The following SHISA6 variants were observed in gnomAD, a reference collection of about 807,000 sequenced individuals.
SHISA6 encodes the protein protein shisa-6.
Under a neutral mutation model 47.9 loss-of-function variants are expected in SHISA6, and 22 were observed. The observed-to-expected ratio is 0.46, with a 90% CI of 0.33 to 0.66. The LOEUF is 0.66. Among genes scored for constraint, SHISA6 ranks in the 30% least tolerant of loss-of-function variants. The pLI is 0.02. For synonymous variants in SHISA6, 388 were observed against 337.8 expected (o/e 1.15, Z -1.63); for missense variants, 680 against 764.6 (o/e 0.89, Z 1.30).
At chr17:11,425,770 A>C (rs1914595124) in intron 3 of SHISA6, among the ~76,000 whole-genome samples, 1 of 152,306 alleles carries the variant, frequency 6.6e-6, no homozygotes, top group African/African-American at 2.4e-5. Context: ...TCATGTGATA[A>C]GCCAGATGGT....
intron 2 of SHISA6, among the ~76,000 whole-genome samples, chr17:11,353,699 A>G (rs190634428): frequency 6.6e-6 from 1 of 152,270 alleles, no homozygotes; most frequent in Admixed American, 6.5e-5. Context: ...GGACACTGTG[A>G]TAAACAGGAA....
At position 11,266,099 on chromosome 17, in the gene SHISA6, A is replaced by T. The variant is rs114157842; in HGVS notation, c.799+2573A>T. On this transcript the variant is annotated intron_variant, in intron 2 of 5. Transcript: ENST00000441885. ...TAATGGACACAATGCTTTTCCAAGC[A>T]GTTGATATCCTTTGCCACAAAATAT... Among the ~76,000 whole-genome samples the T allele has an allele frequency of 1.5e-3, 232 of 152,366 alleles. 1 individual carries two copies. Among genetic ancestry groups the T allele is most frequent in the African/African-American group, 5.2e-3 (217 of 41,594 alleles).
At chr17:11,371,274 G>C (rs1334434325) in intron 2 of SHISA6, among the ~76,000 whole-genome samples, 1 of 152,146 alleles carries the variant, frequency 6.6e-6, no homozygotes, top group Non-Finnish European at 1.5e-5. Context: ...CCTTCTCATT[G>C]TATAGTCAGG....
chr17:11,350,178 A>ATTTTTTTTTTTT (rs199879665), intron 2 of SHISA6, among the ~76,000 whole-genome samples: 20 of 101,146 alleles, frequency 2.0e-4, no homozygotes, highest in Admixed American at 7.7e-4. Flanking sequence ...TTATTTATTT[A>ATTTTTTTTTTTT]TTTATTTTTT....
chr17:11,557,997 A>G lies in SHISA6; in HGVS notation c.1349A>G (p.Glu450Gly). The part of the protein sequence containing the change: ...ILSDEQLLST[E>G]RLHSQDPLLS... ...TCCGACGAGCAGCTGCTCTCCACGG[A>G]GCGCCTGCACTCCCAGGACCCGCTG... The change falls in exon 6 of 6, where the codon GAG (glutamate) becomes GGG (glycine). Residue 450 changes from glutamate to glycine, a missense_variant. Physicochemically the swap from Glu to Gly is moderately conservative, Grantham distance 98. This residue lies in a region of SHISA6 where 559 missense variants were observed against 674.1 expected (regional missense o/e 0.83). Transcript: ENST00000441885. 1 of 1,551,332 alleles carries G rather than the reference A, an allele frequency of 6.4e-7. No individual in the cohort carries two copies. The highest frequency in any genetic ancestry group is 8.7e-7 in the Non-Finnish European group (1 of 1,146,892).
At chr17:11,468,045 T>C (rs1282039342) in intron 3 of SHISA6, among the ~76,000 whole-genome samples, 3 of 152,150 alleles carry the variant, frequency 2.0e-5, no homozygotes, top group Admixed American at 6.6e-5. Context: ...TATTATTTAA[T>C]TTATATTTTT....
chr17:11,278,989 C>T (rs1239362914), intron 2 of SHISA6, among the ~76,000 whole-genome samples: 2 of 152,098 alleles, frequency 1.3e-5, no homozygotes, highest in African/African-American at 2.4e-5. Context: ...TAAGAGTGAG[C>T]CACAGAGAAG....
chr17:11,325,178 C>T (rs1381465861), intron 2 of SHISA6, among the ~76,000 whole-genome samples: 1 of 152,202 alleles, frequency 6.6e-6, no homozygotes, highest in Non-Finnish European at 1.5e-5. Flanking sequence ...GGGGCACATC[C>T]AGGCGGGCCC....
At chr17:11,539,294 C>A (rs2071812994) in intron 3 of SHISA6, among the ~76,000 whole-genome samples, 3 of 152,182 alleles carry the variant, frequency 2.0e-5, no homozygotes, top group Admixed American at 2.0e-4. Flanking sequence ...ATTGTTTATG[C>A]CTTTGGGCAT....
intron 3 of SHISA6, among the ~76,000 whole-genome samples, chr17:11,520,104 T>A (rs1314970686): frequency 6.6e-6 from 1 of 152,170 alleles, no homozygotes; most frequent in African/African-American, 2.4e-5. Context: ...TTCTCAAAAT[T>A]ACATCTCGAG....
At chr17:11,463,181 G>A (rs1051248784) in intron 3 of SHISA6, among the ~76,000 whole-genome samples, 2 of 152,170 alleles carry the variant, frequency 1.3e-5, no homozygotes, top group East Asian at 1.9e-4. Context: ...TCTAAGCTCC[G>A]TAAGCTTGTT....
chr17:11,278,373 C>T (rs546773651), intron 2 of SHISA6, among the ~76,000 whole-genome samples: 11 of 152,316 alleles, frequency 7.2e-5, no homozygotes, highest in African/African-American at 2.4e-4. Context: ...TCAGAGGCTG[C>T]GTCCTATTCA....
At chr17:11,242,093 C>T (rs1472067099) in intron 1 of SHISA6, 33 bp downstream of exon 1, 2 of 1,547,596 alleles carry the variant, frequency 1.3e-6, no homozygotes, top group Non-Finnish European at 1.7e-6. Flanking sequence ...GCCCCGGTCT[C>T]CCCGCGGCCT....
intron 3 of SHISA6, among the ~76,000 whole-genome samples, chr17:11,420,320 CT>C (rs1278959095): frequency 1.5e-4 from 23 of 152,298 alleles, no homozygotes; most frequent in Admixed American, 1.4e-3. Flanking sequence ...TCGTTTGCCC[CT>C]ATTCATGTAA....
At chr17:11,303,202 GT>G (rs1389695919) in intron 2 of SHISA6, among the ~76,000 whole-genome samples, 1 of 151,518 alleles carries the variant, frequency 6.6e-6, no homozygotes, top group Non-Finnish European at 1.5e-5. Flanking sequence ...TGCTTGTGTG[GT>G]TTTGTGTGTG....
intron 2 of SHISA6, among the ~76,000 whole-genome samples, chr17:11,299,928 G>A (rs1055778835): frequency 6.6e-6 from 1 of 151,998 alleles, no homozygotes; most frequent in African/African-American, 2.4e-5. Flanking sequence ...GGCAGATCAC[G>A]AGGTAAGGAG....
At chr17:11,333,249 A>G (rs205036) in intron 2 of SHISA6, among the ~76,000 whole-genome samples, 107,176 of 152,004 alleles carry the variant, frequency 0.71, 37,884 homozygotes, top group South Asian at 0.74. Context: ...GAGAGTGTGG[A>G]ACTATAAGAA....
chr17:11,402,235 T>C (rs1358527137), intron 3 of SHISA6, among the ~76,000 whole-genome samples: 1 of 152,180 alleles, frequency 6.6e-6, no homozygotes, highest in East Asian at 1.9e-4. Context: ...GGGGAATATA[T>C]CCTCCTTAGG....
chr17:11,416,562 ATGAT>A (rs749261991), intron 3 of SHISA6, among the ~76,000 whole-genome samples: 4 of 152,248 alleles, frequency 2.6e-5, no homozygotes, highest in South Asian at 4.1e-4. Flanking sequence ...CCTTCTAAAA[ATGAT>A]TGTCATTTTG....
Sources: gnomAD v4.1 joint callset for allele counts (sites outside exome capture counted in the v4.1 genomes callset) on GRCh38, gnomAD v4.1.1 for gene constraint, gnomAD v4.1.1 regional missense constraint, MANE v1.5 for transcripts, NCBI Gene and HGNC (gene_info 2026-07-23, HGNC 2026-07-21) for gene names.